CREB3L1: variants seen among roughly 807,000 people sequenced by gnomAD.
CREB3L1 encodes the protein cAMP responsive element binding protein 3 like 1, also known as cyclic AMP-responsive element-binding protein 3-like protein 1.
Under a neutral mutation model 54.5 loss-of-function variants are expected in CREB3L1, and 33 were observed. The observed-to-expected ratio is 0.61, with a 90% CI of 0.46 to 0.81. CREB3L1 has a LOEUF of 0.81. Ranked by LOEUF, CREB3L1 falls within the 30% of genes least tolerant of loss-of-function variation. The pLI is 0.00. For synonymous variants in CREB3L1, 284 were observed against 286.4 expected, an observed-to-expected ratio of 0.99 and a Z score of 0.08; for missense variants, 656 against 673.3, an observed-to-expected ratio of 0.97 and a Z score of 0.29.
rs1380125145 is a variant in CREB3L1, at chr11:46,295,601, C to T, written c.103-4334C>T. The stretch of plus-strand genomic sequence containing the variant: ...GTCGGCGCAGGCCGGGACCCTCCTC[C>T]GCGCGAGCCCTGCACTCCTCCGGTG... On this transcript the variant is annotated intron_variant, in intron 1 of 11. Coordinates refer to ENST00000621158, the MANE Select transcript of CREB3L1 (RefSeq NM_052854.4). This position sits in a 1 kb window ranked among gnomAD's most constrained non-coding sequence, Gnocchi z 4.6. Among the ~76,000 whole-genome samples the T allele has an allele frequency of 1.3e-5, 2 of 152,228 alleles. No homozygotes were observed. The highest frequency in any genetic ancestry group is 2.4e-5 in the African/African-American group (1 of 41,476).
At position 46,278,857 on chromosome 11, in the gene CREB3L1, T is replaced by C. The variant is rs1938924789; in HGVS notation, c.102+644T>C. Reference sequence around the variant, plus strand: ...CCTCTAGATCTCTGCTCTGTCCCTCTGTTCCTGGAGTCTGGCTGACTTTCT... The same window carrying C: ...CCTCTAGATCTCTGCTCTGTCCCTCCGTTCCTGGAGTCTGGCTGACTTTCT... On this transcript the variant is annotated intron_variant, in intron 1 of 11. Coordinates refer to ENST00000621158, the MANE Select transcript of CREB3L1 (RefSeq NM_052854.4). This position sits in a 1 kb window ranked among gnomAD's most constrained non-coding sequence, Gnocchi z 4.2. 6.6e-6 allele frequency among the ~76,000 whole-genome samples: 1 copy of C among 152,232 alleles called. No homozygotes were observed. Among genetic ancestry groups the C allele is most frequent in the African/African-American group, 2.4e-5 (1 of 41,458 alleles).
chr11:46,301,898 T>C (rs1218247550), intron 2 of CREB3L1, among the ~76,000 whole-genome samples: 1 of 150,260 alleles, frequency 6.7e-6, no homozygotes, highest in African/African-American at 2.5e-5. Flanking sequence ...TTGCAGTGAG[T>C]CGAGATCAAG....
intron 2 of CREB3L1, among the ~76,000 whole-genome samples, chr11:46,304,701 G>T (rs928996117): frequency 6.7e-6 from 1 of 148,656 alleles, no homozygotes; most frequent in African/African-American, 2.5e-5. Flanking sequence ...TGGGGGGGGC[G>T]GGCAGGGTGA....
chr11:46,308,804 C>T (rs1030196919), intron 3 of CREB3L1, among the ~76,000 whole-genome samples: 4 of 152,254 alleles, frequency 2.6e-5, no homozygotes, highest in Admixed American at 2.0e-4. Flanking sequence ...TGCCCCACCA[C>T]AGACCCGTGG....
intron 1 of CREB3L1, among the ~76,000 whole-genome samples, chr11:46,279,411 C>G (rs1938933912): frequency 1.3e-5 from 2 of 152,166 alleles, no homozygotes; most frequent in East Asian, 3.8e-4. Context: ...CTCCATTAAG[C>G]AGCACATCCT....
intron 1 of CREB3L1, among the ~76,000 whole-genome samples, chr11:46,290,769 G>C (rs1241538529): frequency 1.3e-5 from 2 of 151,300 alleles, no homozygotes; most frequent in Non-Finnish European, 2.9e-5. Context: ...CAGAGCTTGA[G>C]CAAGCAAGGG....
intron 2 of CREB3L1, among the ~76,000 whole-genome samples, chr11:46,306,499 G>A (rs1939398579): frequency 6.9e-6 from 1 of 144,396 alleles, no homozygotes; most frequent in African/African-American, 2.6e-5. Flanking sequence ...GTGAGATCCT[G>A]TCTCAATAAA....
chr11:46,310,898 G>A (rs994897861), intron 4 of CREB3L1, 134 bp from the exon 5 acceptor site: 5 of 1,367,522 alleles, frequency 3.7e-6, no homozygotes, highest in Non-Finnish European at 4.8e-6. Flanking sequence ...TGATGTCATA[G>A]CTGAGACCAA....
chr11:46,281,990 A>AT (rs1461224356), intron 1 of CREB3L1, among the ~76,000 whole-genome samples: 1 of 152,136 alleles, frequency 6.6e-6, no homozygotes, highest in Non-Finnish European at 1.5e-5. Flanking sequence ...CTATCAAAAC[A>AT]TTAAGTTCGT....
chr11:46,321,169 A>G lies in CREB3L1; in HGVS notation c.*423A>G, dbSNP rs1266369237. ...TGAACCTTATTTTTTATTATTGCCAATCCCCTAAGATATTGTATTTTACAA... is the reference window on the plus strand; with the variant it reads ...TGAACCTTATTTTTTATTATTGCCAGTCCCCTAAGATATTGTATTTTACAA... On this transcript the variant is annotated 3_prime_UTR_variant, in exon 12 of 12. Coordinates refer to ENST00000621158, the MANE Select transcript of CREB3L1 (RefSeq NM_052854.4). 5.4e-6 allele frequency: 2 copies of G among 372,434 alleles called. No homozygotes were observed. The highest frequency in any genetic ancestry group is 3.4e-5 in the South Asian group (1 of 29,660). The allele number at this position is 372,434 out of a possible 1,614,324, so 23.1% of individuals were successfully genotyped here. A position where few individuals can be genotyped will look rare whatever the true frequency, so the allele number is the denominator to read the frequency against.
rs572744753 is a variant in CREB3L1, at chr11:46,296,803, C to T, written c.103-3132C>T. ...CACTTGGCTCCCGTTGCTCTGGAAG[C>T]TCCATCCTGCTGGGTTTTGGCTGCT... On this transcript the variant is annotated intron_variant, in intron 1 of 11. Transcript: ENST00000621158. Among the ~76,000 whole-genome samples, 3 of 152,292 alleles carry T rather than the reference C, an allele frequency of 2.0e-5. No homozygotes were observed. In the South Asian group the frequency reaches 6.2e-4, roughly 32 times the overall value.
chr11:46,311,241 A>C, intron 5 of CREB3L1, 52 bp downstream of exon 5: 1 of 1,456,376 alleles, frequency 6.9e-7, no homozygotes. Context: ...GAATACATCC[A>C]CCTGAGCACA....
chr11:46,299,724 C>T (rs1353415925), intron 1 of CREB3L1, among the ~76,000 whole-genome samples: 2 of 152,026 alleles, frequency 1.3e-5, no homozygotes, highest in Admixed American at 6.6e-5. Context: ...ACAGTGGTAA[C>T]GGTCATGATG....
rs945892967 is a variant in CREB3L1 at position 46,302,180 on chromosome 11, T to C, written c.331+2017T>C. Among the ~76,000 whole-genome samples, 8 of 131,426 alleles carry C rather than the reference T, an allele frequency of 6.1e-5. No homozygotes were observed. In the East Asian group the frequency reaches 1.0e-3, roughly 16 times the overall value. The allele number at this position is 131,426 out of a possible 152,430, so 86.2% of individuals were successfully genotyped here. On this transcript the variant is annotated intron_variant, in intron 2 of 11. Coordinates refer to ENST00000621158, the MANE Select transcript of CREB3L1 (RefSeq NM_052854.4). ...GAGGCTCCGTCTCAAATAATAATAA[T>C]AATAATAATAATAATAATAATAATA...
chr11:46,288,212 G>A (rs1317787336), intron 1 of CREB3L1, among the ~76,000 whole-genome samples: 1 of 152,048 alleles, frequency 6.6e-6, no homozygotes, highest in Non-Finnish European at 1.5e-5. Context: ...CTCCCGAGTA[G>A]CTGGGATTAC....
At chr11:46,319,655 A>T (rs927569980) in intron 10 of CREB3L1, among the ~76,000 whole-genome samples, 1 of 152,034 alleles carries the variant, frequency 6.6e-6, no homozygotes, top group South Asian at 2.1e-4. Flanking sequence ...AGGTGGGAGG[A>T]TCACTTGAGG....
chr11:46,285,942 A>C (rs1486863938), intron 1 of CREB3L1, among the ~76,000 whole-genome samples: 1 of 152,244 alleles, frequency 6.6e-6, no homozygotes, highest in Admixed American at 6.5e-5. Context: ...CTTTGGAGGC[A>C]GACAGGTCTG....
rs35652107 is a variant in CREB3L1 at position 46,317,460 on chromosome 11, G to A, written c.1231G>A (p.Ala411Thr). ...SQTVKEDPLA[A>T]DGVYTASQMP... is the part of the protein sequence containing the mutation. ...GACTGTGAAGGAAGACCCCCTGGCCGCAGACGGCGTCTACACGGCCAGCCA... is the reference window on the plus strand; with the variant it reads ...GACTGTGAAGGAAGACCCCCTGGCCACAGACGGCGTCTACACGGCCAGCCA... The change falls in exon 10 of 12, where the codon GCA (alanine) becomes ACA (threonine). Residue 411 changes from alanine to threonine, a missense_variant. Physicochemically the swap from Ala to Thr is moderately conservative, Grantham distance 58. This residue lies in a region of CREB3L1 where 240 missense variants were observed against 219.8 expected (regional missense o/e 1.09). Transcript: ENST00000621158. 118,993 of 1,611,758 alleles carry A rather than the reference G, an allele frequency of 0.074. 4,553 individuals are homozygous for A. The highest frequency in any genetic ancestry group is 0.089 in the South Asian group (8,082 of 91,080).
rs548536281 is a variant in CREB3L1 at position 46,300,205 on chromosome 11, G to C, written c.331+42G>C. On this transcript the variant is annotated intron_variant, in intron 2 of 11. Transcript: ENST00000621158. ...CCTGGGGACAGCACAGGCCCAGGAG[G>C]CCCAGGAGGGAGGAAGCTCTGGGGT... 3.9e-5 allele frequency: 58 copies of C among 1,480,524 alleles called. No homozygotes were observed. The African/African-American group carries it at 7.2e-4, about 18-fold the overall frequency. 91.7% of individuals were successfully genotyped at this position (1,480,524 alleles called of 1,614,324 possible).
Sources: allele counts gnomAD v4.1 joint callset (sites outside exome capture counted in the v4.1 genomes callset), GRCh38; gene constraint gnomAD v4.1.1; regional missense constraint gnomAD v4.1.1; non-coding constraint Gnocchi (gnomAD v3.1); transcripts MANE v1.5; gene names NCBI Gene and HGNC (gene_info 2026-07-23, HGNC 2026-07-21).